DMD: variants seen among roughly 807,000 people sequenced by gnomAD.
The protein encoded by DMD is mutant dystrophin.
In DMD, 63 loss-of-function variants were observed where a neutral mutation model predicts 330.1. The observed-to-expected ratio is 0.19, with a 90% CI of 0.16 to 0.24. The LOEUF (loss-of-function observed/expected upper bound fraction) is 0.24. Ranked by LOEUF, DMD falls within the 10% of genes least tolerant of loss-of-function variation. The pLI is 1.00. For missense variants in DMD, 3,344 were observed against 2,684.1 expected (o/e 1.25, Z -5.43); for synonymous variants, 1,223 against 959.8 (o/e 1.27, Z -5.07).
intron 21 of DMD, among the ~76,000 whole-genome samples, chrX:32,482,678 G>C (rs746886955): frequency 1.8e-5 from 2 of 111,578 alleles, no homozygotes; most frequent in Non-Finnish European, 3.8e-5. Context: ...AACCCCATTA[G>C]CTTACTTGTG....
intron 63 of DMD, among the ~76,000 whole-genome samples, chrX:31,226,131 G>T (rs994759842): frequency 1.1e-4 from 12 of 111,668 alleles, no homozygotes; most frequent in African/African-American, 3.9e-4. Context: ...GAGAAATGCA[G>T]AATCTCAGGC....
At chrX:32,059,593 T>C (rs968204625) in intron 44 of DMD, among the ~76,000 whole-genome samples, 5 of 111,731 alleles carry the variant, frequency 4.5e-5, no homozygotes, top group South Asian at 3.7e-4. Flanking sequence ...TGGACTAAGG[T>C]AGATTATTCC....
intron 1 of DMD, among the ~76,000 whole-genome samples, chrX:33,254,802 A>T (rs895208139): frequency 9.1e-6 from 1 of 109,399 alleles, no homozygotes; most frequent in Non-Finnish European, 1.9e-5. Flanking sequence ...CATGAGTTAA[A>T]TTTTTTTTTC....
chrX:32,654,701 C>T (rs60922737), intron 9 of DMD, among the ~76,000 whole-genome samples: 93 of 111,432 alleles, frequency 8.3e-4, no homozygotes, highest in African/African-American at 2.9e-3. Flanking sequence ...TTTTTCTATT[C>T]ATTGGAATAG....
chrX:32,429,067 G>A (rs1281656112), intron 29 of DMD, among the ~76,000 whole-genome samples: 2 of 110,857 alleles, frequency 1.8e-5, no homozygotes, highest in African/African-American at 6.6e-5. Flanking sequence ...TTCGATATAT[G>A]TGTCTTTATG....
intron 7 of DMD, among the ~76,000 whole-genome samples, chrX:32,753,137 C>A (rs1167511241): frequency 9.0e-6 from 1 of 111,254 alleles, no homozygotes; most frequent in Non-Finnish European, 1.9e-5. Context: ...ACCCAGACTT[C>A]CATCTAAATA....
intron 9 of DMD, among the ~76,000 whole-genome samples, chrX:32,683,525 C>G (rs1480426144): frequency 1.9e-5 from 2 of 106,832 alleles, no homozygotes; most frequent in Non-Finnish European, 3.8e-5. Context: ...CCATCATTCT[C>G]AGCAAACTAT....
intron 7 of DMD, among the ~76,000 whole-genome samples, chrX:32,720,014 GTAAAT>G (rs748978418): frequency 3.7e-5 from 4 of 109,457 alleles, no homozygotes; most frequent in Non-Finnish European, 3.8e-5. Flanking sequence ...TAATATTAAA[GTAAAT>G]TAAATATATT....
At chrX:32,907,291 G>A (rs568832210) in intron 2 of DMD, among the ~76,000 whole-genome samples, 1 of 111,852 alleles carries the variant, frequency 8.9e-6, no homozygotes, top group Admixed American at 9.5e-5. Flanking sequence ...GCCAATGTGA[G>A]GTTTCATACG....
intron 55 of DMD, among the ~76,000 whole-genome samples, chrX:31,530,647 C>CTTTTTTTTTTTTT (rs1192286078): frequency 2.0e-5 from 1 of 49,829 alleles, no homozygotes; most frequent in Non-Finnish European, 3.6e-5. Flanking sequence ...ACTGGTTTCT[C>CTTTTTTTTTTTTT]TTTTTTTTTT....
At chrX:32,371,520 C>T (rs1309153942) in intron 34 of DMD, among the ~76,000 whole-genome samples, 1 of 110,745 alleles carries the variant, frequency 9.0e-6, no homozygotes, top group Non-Finnish European at 1.9e-5. Context: ...AATTATTTAA[C>T]TGAGTTGGAA....
intron 41 of DMD, among the ~76,000 whole-genome samples, chrX:32,312,289 T>A (rs1446193334): frequency 9.0e-6 from 1 of 111,567 alleles, no homozygotes; most frequent in East Asian, 2.8e-4. Flanking sequence ...CATGTCCTCA[T>A]CACTTTTTCT....
intron 2 of DMD, among the ~76,000 whole-genome samples, chrX:32,884,008 G>A (rs1381371577): frequency 9.2e-6 from 1 of 109,214 alleles, no homozygotes; most frequent in East Asian, 2.9e-4. Context: ...AAGTACATAG[G>A]TTTTCTGGTT....
At chrX:31,189,283 G>C (rs1397671896) in intron 67 of DMD, among the ~76,000 whole-genome samples, 2 of 111,267 alleles carry the variant, frequency 1.8e-5, no homozygotes, top group Non-Finnish European at 3.8e-5. Context: ...ACAATAATTA[G>C]TACAGTCATC....
intron 2 of DMD, among the ~76,000 whole-genome samples, chrX:32,931,298 T>C (rs901844878): frequency 3.6e-5 from 4 of 111,098 alleles, no homozygotes; most frequent in Non-Finnish European, 5.7e-5. Flanking sequence ...TAGTCAGGCA[T>C]GTTGTGCAAC....
intron 2 of DMD, among the ~76,000 whole-genome samples, chrX:32,994,102 C>T (rs2093052751): frequency 9.1e-6 from 1 of 109,850 alleles, no homozygotes; most frequent in African/African-American, 3.3e-5. Flanking sequence ...TCTCTGTGTC[C>T]CAGTGTGACA....
chrX:32,141,672 G>T (rs1388344942), intron 44 of DMD, among the ~76,000 whole-genome samples: 1 of 74,283 alleles, frequency 1.3e-5, no homozygotes, highest in African/African-American at 5.0e-5. Context: ...ATATAATATA[G>T]AGTGCAACAC....
intron 43 of DMD, among the ~76,000 whole-genome samples, chrX:32,220,308 GAAGT>G (rs1271350322): frequency 1.8e-5 from 2 of 111,713 alleles, no homozygotes; most frequent in African/African-American, 6.5e-5. Flanking sequence ...ATATAAATAT[GAAGT>G]ATTTATTACA....
At chrX:32,397,115 C>G (rs779727710) in intron 30 of DMD, among the ~76,000 whole-genome samples, 2 of 110,995 alleles carry the variant, frequency 1.8e-5, no homozygotes, top group South Asian at 3.8e-4. Context: ...TGGAAGAAAA[C>G]ATTGGGGATA....
Sources: allele counts gnomAD v4.1 joint callset (sites outside exome capture counted in the v4.1 genomes callset), GRCh38; gene constraint gnomAD v4.1.1; transcripts MANE v1.5; gene names NCBI Gene and HGNC (gene_info 2026-07-23, HGNC 2026-07-21).